The following ZNF490 variants were observed in gnomAD, a reference collection of about 807,000 sequenced individuals.
ZNF490 encodes the protein zinc finger protein 490.
Under a neutral mutation model 17.7 loss-of-function variants are expected in ZNF490, and 11 were observed. The ratio of observed to expected loss-of-function variants is 0.62; its 90% CI spans 0.39 to 1.03. The LOEUF is 1.03. ZNF490 is among the 50% of genes least tolerant of loss of function. ZNF490 has a pLI of 0.00. For missense variants in ZNF490, 542 were observed against 643.4 expected (o/e 0.84, Z 1.71); for synonymous variants, 222 against 216.1 (o/e 1.03, Z -0.24).
chr19:12,582,400 TTC>T (rs1280881339), intron 4 of ZNF490, among the ~76,000 whole-genome samples: 1 of 151,764 alleles, frequency 6.6e-6, no homozygotes, highest in African/African-American at 2.4e-5. Flanking sequence ...CAATGACAGT[TTC>T]TGTTGTTTTT....
At chr19:12,593,564 T>C (rs1247009438) in intron 2 of ZNF490, among the ~76,000 whole-genome samples, 1 of 152,038 alleles carries the variant, frequency 6.6e-6, no homozygotes, top group Non-Finnish European at 1.5e-5. Flanking sequence ...ATTCCCAGAG[T>C]TCTTTTACTA....
chr19:12,594,057 T>C (rs1369338139), intron 2 of ZNF490, among the ~76,000 whole-genome samples: 2 of 152,190 alleles, frequency 1.3e-5, no homozygotes, highest in African/African-American at 2.4e-5. Flanking sequence ...AAGGTGATCA[T>C]TGCAGCTCTA....
At position 12,578,136 on chromosome 19, in the gene ZNF490, A is replaced by G; in HGVS notation, c.*2349T>C. ...GTGCTAGTCTTAGCGGGAGGCTAGGAAACCAGTCCTGGAGCAGGATGCATG... is the reference window on the plus strand; with the variant it reads ...GTGCTAGTCTTAGCGGGAGGCTAGGGAACCAGTCCTGGAGCAGGATGCATG... On this transcript the variant is annotated 3_prime_UTR_variant, in exon 5 of 5. Transcript: ENST00000311437. 1 of 985,540 alleles carries G rather than the reference A, an allele frequency of 1.0e-6. No individual in the cohort carries two copies. Among genetic ancestry groups the G allele is most frequent in the Non-Finnish European group, 1.2e-6 (1 of 830,028 alleles). The allele number at this position is 985,540 out of a possible 1,614,324, so 61.0% of individuals were successfully genotyped here.
intron 4 of ZNF490, among the ~76,000 whole-genome samples, chr19:12,582,319 T>C (rs565084471): frequency 2.0e-3 from 303 of 152,208 alleles, no homozygotes; most frequent in Non-Finnish European, 3.0e-3. Context: ...GTTGAACTCC[T>C]GGCCTCAAGC....
At chr19:12,603,047 CAG>C (rs946694299) in intron 2 of ZNF490, among the ~76,000 whole-genome samples, 135 of 152,232 alleles carry the variant, frequency 8.9e-4, no homozygotes, top group African/African-American at 3.2e-3. Context: ...AATCAAACTG[CAG>C]AGAGAGGGTA....
intron 2 of ZNF490, among the ~76,000 whole-genome samples, chr19:12,602,460 G>A (rs904839566): frequency 6.6e-6 from 1 of 151,958 alleles, no homozygotes; most frequent in Non-Finnish European, 1.5e-5. Flanking sequence ...TGAGGCAGGA[G>A]AATCACTTAA....
chr19:12,586,071 GC>G (rs1414146871), intron 2 of ZNF490, among the ~76,000 whole-genome samples: 1 of 91,810 alleles, frequency 1.1e-5, no homozygotes, highest in Non-Finnish European at 2.9e-5. Flanking sequence ...GAGGCGGGGG[GC>G]GGGCAGATCA....
At chr19:12,601,448 G>A (rs1392606792) in intron 2 of ZNF490, among the ~76,000 whole-genome samples, 1 of 151,446 alleles carries the variant, frequency 6.6e-6, no homozygotes, top group Non-Finnish European at 1.5e-5. Context: ...CTAGACTAGA[G>A]TGGTACAATC....
In ZNF490 at chr19:12,580,654, C is replaced by T. The variant is rs779618603; in HGVS notation, c.1421G>A (p.Cys474Tyr). 3.1e-6 allele frequency: 5 copies of T among 1,614,182 alleles called. No individual in the cohort carries two copies. In the Admixed American group the frequency reaches 5.0e-5, roughly 16 times the overall value. ...AGCTTTGCCACACTGCTTACACTCACATGGTTTCACTCCAGTGTGACTTCT... is the reference window on the plus strand; with the variant it reads ...AGCTTTGCCACACTGCTTACACTCATATGGTTTCACTCCAGTGTGACTTCT... ...HERSHTGVKP[C>Y]ECKQCGKAFT... The change falls in exon 5 of 5, where the codon TGT becomes TAT. Residue 474 changes from cysteine (C) to tyrosine (Y), a missense_variant. Cys to Tyr is a radical substitution (Grantham distance 194, BLOSUM62 -2). Transcript: ENST00000311437.
At position 12,609,215 on chromosome 19, in the gene ZNF490, A is replaced by C; in HGVS notation, c.118-13T>G. On this transcript the variant is annotated splice_polypyrimidine_tract_variant and intron_variant, in intron 1 of 4. Transcript: ENST00000311437. The stretch of plus-strand genomic sequence containing the variant: ...CACTGTTCTGCATCTAATTAGAAAC[A>C]AGAGGATGCATTTTGTGAGTTTCAG... 6.2e-7 allele frequency: 1 copy of C among 1,613,728 alleles called. No homozygotes were observed. Among genetic ancestry groups the C allele is most frequent in the Non-Finnish European group, 8.5e-7 (1 of 1,179,782 alleles).
chr19:12,580,867 C>T lies in ZNF490; in HGVS notation c.1208G>A (p.Ser403Asn). Residue 403 changes from serine (S) to asparagine (N), a missense_variant, in exon 5 of 5, where the codon AGT becomes AAT. Physicochemically the swap from Ser to Asn is conservative, Grantham distance 46. Coordinates refer to ENST00000311437, the MANE Select transcript of ZNF490 (RefSeq NM_020714.3). ...AACTCTTTCGTGCAACTGAAGGTAA[C>T]TTGAAGAATTGAAGGCTTTACCACA... ...KQCGKAFNSS[S>N]YLQLHERVHT... The T allele has an allele frequency of 1.2e-6, 2 of 1,613,984 alleles. No homozygotes were observed. The highest frequency in any genetic ancestry group is 1.7e-6 in the Non-Finnish European group (2 of 1,179,972).
chr19:12,607,434 T>C (rs2023082379), intron 2 of ZNF490, among the ~76,000 whole-genome samples: 1 of 151,952 alleles, frequency 6.6e-6, no homozygotes, highest in African/African-American at 2.4e-5. Flanking sequence ...TCCCAGCTAC[T>C]AGGGAGCCTG....
intron 2 of ZNF490, among the ~76,000 whole-genome samples, chr19:12,601,973 G>A (rs1025273198): frequency 2.6e-5 from 4 of 151,222 alleles, no homozygotes; most frequent in Non-Finnish European, 5.9e-5. Flanking sequence ...CAGCCTGGGC[G>A]AGAGAGCAAG....
chr19:12,590,581 T>G (rs1183735185), intron 2 of ZNF490, among the ~76,000 whole-genome samples: 1 of 151,966 alleles, frequency 6.6e-6, no homozygotes, highest in Non-Finnish European at 1.5e-5. Context: ...GAAAAAGAAA[T>G]AAAAGATATA....
intron 2 of ZNF490, chr19:12,597,164 G>C (rs1864081): frequency 1.7e-5 from 8 of 459,996 alleles, no homozygotes; most frequent in South Asian, 1.2e-4. Context: ...CTCGGCTTAC[G>C]GAGGCTCCAG....
chr19:12,583,811 A>ATATATATAT (rs1290469134), intron 2 of ZNF490, among the ~76,000 whole-genome samples: 1 of 78,668 alleles, frequency 1.3e-5, no homozygotes, highest in Non-Finnish European at 2.3e-5. Flanking sequence ...ATATATATAT[A>ATATATATAT]TTTTTTTTTT....
intron 1 of ZNF490, 67 bp downstream of exon 1, chr19:12,610,497 G>C (rs2023135005): frequency 3.2e-6 from 4 of 1,245,518 alleles, no homozygotes; most frequent in Non-Finnish European, 4.7e-6. Flanking sequence ...TGGGGTAACC[G>C]TCTGTTTATA....
At chr19:12,597,278 T>C in intron 2 of ZNF490, 1 of 444,292 alleles carries the variant, frequency 2.3e-6, no homozygotes, top group Admixed American at 2.4e-5. Context: ...AGCGAACCGC[T>C]AGAATAAGGA....
Position 12,581,089 on chromosome 19 carries a change from G to A in ZNF490, c.986C>T (p.Thr329Ile). The part of the protein sequence containing the change: ...TYLRSHEKTH[T>I]GEKPFVCREC... ...CCTACATACAAAAGGTTTCTCTCCA[G>A]TATGAGTTTTCTCATGACTCCGTAA... Residue 329 changes from threonine (T) to isoleucine (I), a missense_variant, in exon 5 of 5, where the codon ACT becomes ATT. By Grantham distance (89) the Thr-to-Ile change is moderately conservative. Transcript: ENST00000311437. 1 of 1,614,088 alleles carries A rather than the reference G, an allele frequency of 6.2e-7. No individual in the cohort carries two copies.
Sources: allele counts gnomAD v4.1 joint callset (sites outside exome capture counted in the v4.1 genomes callset), GRCh38; gene constraint gnomAD v4.1.1; transcripts MANE v1.5; gene names NCBI Gene and HGNC (gene_info 2026-07-23, HGNC 2026-07-21).